CCNY: variants seen among roughly 807,000 people sequenced by gnomAD.
The protein encoded by CCNY is cyclin-Y.
Under a neutral mutation model 42.8 loss-of-function variants are expected in CCNY, and 19 were observed. The observed-to-expected ratio is 0.44, with a 90% confidence interval of 0.31 to 0.65. CCNY has a LOEUF of 0.65. Ranked by LOEUF, CCNY falls within the 30% of genes least tolerant of loss-of-function variation. The pLI is 0.07. For synonymous variants in CCNY, 165 were observed against 162.7 expected (o/e 1.01, Z -0.11); for missense variants, 370 against 437.3 (o/e 0.85, Z 1.37).
chr10:35,417,452 A>T (rs1423125633), intron 1 of CCNY, among the ~76,000 whole-genome samples: 1 of 152,200 alleles, frequency 6.6e-6, no homozygotes, highest in Non-Finnish European at 1.5e-5. Context: ...GGTCACTAAT[A>T]GGACTGTTAC....
chr10:35,416,853 G>A (rs968152143), intron 1 of CCNY, among the ~76,000 whole-genome samples: 1 of 152,158 alleles, frequency 6.6e-6, no homozygotes, highest in Non-Finnish European at 1.5e-5. Flanking sequence ...CAGACAGGTG[G>A]CAGCGGGACT....
chr10:35,484,313 T>C (rs12248732), intron 2 of CCNY, among the ~76,000 whole-genome samples: 3,439 of 152,296 alleles, frequency 0.023, 57 homozygotes, highest in African/African-American at 0.036. Context: ...ATGTTTAAGA[T>C]AGTAAGTTCA....
intron 3 of CCNY, among the ~76,000 whole-genome samples, chr10:35,280,902 A>T (rs1835292615): frequency 3.3e-5 from 5 of 152,228 alleles, no homozygotes; most frequent in Admixed American, 3.3e-4. Flanking sequence ...ACTCAATACT[A>T]AAAAGACATA....
At chr10:35,361,231 T>G (rs1461911170) in intron 1 of CCNY, among the ~76,000 whole-genome samples, 1 of 152,230 alleles carries the variant, frequency 6.6e-6, no homozygotes, top group Non-Finnish European at 1.5e-5. Flanking sequence ...TGTTTACATA[T>G]ATACCTGTGG....
intron 1 of CCNY, among the ~76,000 whole-genome samples, chr10:35,419,471 G>A (rs971133287): frequency 6.6e-6 from 1 of 151,666 alleles, no homozygotes. Context: ...TATGACCCAG[G>A]GTATGTGCTA....
At chr10:35,293,929 T>G (rs1237283292) in intron 3 of CCNY, among the ~76,000 whole-genome samples, 3 of 152,070 alleles carry the variant, frequency 2.0e-5, no homozygotes, top group Non-Finnish European at 4.4e-5. Context: ...TAGCTGAGAT[T>G]ACAGTCACCT....
At chr10:35,393,199 A>G (rs1437728256) in intron 1 of CCNY, among the ~76,000 whole-genome samples, 2 of 152,156 alleles carry the variant, frequency 1.3e-5, no homozygotes, top group East Asian at 3.9e-4. Context: ...GCGTCAGAGT[A>G]ATTTTTTCTT....
chr10:35,471,219 G>C lies in CCNY; in HGVS notation c.155-12185G>C, dbSNP rs566625059. On this transcript the variant is annotated intron_variant, in intron 1 of 9. Coordinates refer to ENST00000374704, the MANE Select transcript of CCNY (RefSeq NM_145012.6). Reference sequence around the variant, plus strand: ...AGATGATTTATTGGAGTGATTATCAGTTTGGGGCGTGGCAGTGCAGAGAAA... The same window carrying C: ...AGATGATTTATTGGAGTGATTATCACTTTGGGGCGTGGCAGTGCAGAGAAA... 2.0e-5 allele frequency among the ~76,000 whole-genome samples: 3 copies of C among 152,224 alleles called. No individual in the cohort carries two copies. The East Asian group carries it at 5.8e-4, about 29-fold the overall frequency.
At chr10:35,452,040 G>A (rs1316032147) in intron 1 of CCNY, among the ~76,000 whole-genome samples, 2 of 152,104 alleles carry the variant, frequency 1.3e-5, no homozygotes, top group South Asian at 2.1e-4. Context: ...GTATGCCAAG[G>A]TCAGACTAAT....
intron 1 of CCNY, among the ~76,000 whole-genome samples, chr10:35,423,150 A>T (rs995173234): frequency 6.6e-6 from 1 of 151,810 alleles, no homozygotes; most frequent in African/African-American, 2.4e-5. Flanking sequence ...ATTCATTTCC[A>T]CTTTTTTTTA....
rs773652742 is a variant in CCNY at position 35,337,039 on chromosome 10, G to T, written c.-15G>T. 37 of 1,545,248 alleles carry T rather than the reference G, an allele frequency of 2.4e-5. 1 individual carries two copies. Among genetic ancestry groups the T allele is most frequent in the Non-Finnish European group, 3.1e-5 (35 of 1,144,550 alleles). On this transcript the variant is annotated 5_prime_UTR_variant, in exon 1 of 10. Coordinates refer to ENST00000374704, the MANE Select transcript of CCNY (RefSeq NM_145012.6). ...GGAGAACAGGATAGCAGCAGGAGTC[G>T]GGGGGCCGCCGAAGATGGGGAACAC...
intron 3 of CCNY, among the ~76,000 whole-genome samples, chr10:35,313,074 G>C (rs1228167696): frequency 6.6e-6 from 1 of 152,092 alleles, no homozygotes; most frequent in African/African-American, 2.4e-5. Context: ...CCTAGGGCCA[G>C]TTCCTTCACC....
chr10:35,370,749 A>T (rs1328629060), intron 1 of CCNY, among the ~76,000 whole-genome samples: 6 of 151,322 alleles, frequency 4.0e-5, no homozygotes, highest in Non-Finnish European at 8.8e-5. Flanking sequence ...GGAGTCTCGC[A>T]CTTTCGCCCA....
chr10:35,491,763 G>GCC (rs1564432590), intron 2 of CCNY, among the ~76,000 whole-genome samples: 1 of 151,936 alleles, frequency 6.6e-6, no homozygotes, highest in East Asian at 1.9e-4. Context: ...ACAGGTGCCT[G>GCC]CCCCCACACC....
At chr10:35,536,893 G>T (rs1177958974) in intron 7 of CCNY, among the ~76,000 whole-genome samples, 1 of 152,198 alleles carries the variant, frequency 6.6e-6, no homozygotes, top group Non-Finnish European at 1.5e-5. Flanking sequence ...TTTCTGAGGA[G>T]AAATTCATGC....
intron 3 of CCNY, among the ~76,000 whole-genome samples, chr10:35,507,845 C>G (rs1389004673): frequency 2.0e-5 from 3 of 151,170 alleles, no homozygotes; most frequent in Admixed American, 1.3e-4. Flanking sequence ...TGGATTTGCC[C>G]GAAGGATTCA....
intron 3 of CCNY, among the ~76,000 whole-genome samples, chr10:35,263,190 A>G (rs2095721576): frequency 6.6e-6 from 1 of 151,874 alleles, no homozygotes; most frequent in Admixed American, 6.6e-5. Flanking sequence ...CCCCGTCTCT[A>G]TTAAAAAATA....
intron 1 of CCNY, among the ~76,000 whole-genome samples, chr10:35,371,188 G>A (rs1836927959): frequency 6.6e-6 from 1 of 152,178 alleles, no homozygotes; most frequent in African/African-American, 2.4e-5. Context: ...CCACCGCCCA[G>A]CCCAGTGCTG....
intron 1 of CCNY, among the ~76,000 whole-genome samples, chr10:35,438,165 T>TC (rs983135432): frequency 2.0e-5 from 3 of 151,468 alleles, no homozygotes; most frequent in East Asian, 1.9e-4. Flanking sequence ...TTTTTTTTTT[T>TC]CTGAGGCAAG....
Sources: gnomAD v4.1 joint callset for allele counts (sites outside exome capture counted in the v4.1 genomes callset) on GRCh38, gnomAD v4.1.1 for gene constraint, MANE v1.5 for transcripts, NCBI Gene and HGNC (gene_info 2026-07-23, HGNC 2026-07-21) for gene names.